AGBL3: variants seen among roughly 807,000 people sequenced by gnomAD.
AGBL3 encodes the protein cytosolic carboxypeptidase 3.
AGBL3 carries 68 observed loss-of-function variants against 94.5 expected under a neutral mutation model. The observed-to-expected ratio is 0.72, with a 90% CI of 0.59 to 0.88. The LOEUF is 0.88. AGBL3 is among the 40% of genes least tolerant of loss of function. The probability of loss-of-function intolerance (pLI) is 0.00; values close to 1 mark genes in which losing one functional copy is unlikely to be tolerated. For synonymous variants in AGBL3, 354 were observed against 370.7 expected (o/e 0.95, Z 0.52); for missense variants, 934 against 1,103.8 (o/e 0.85, Z 2.18).
At chr7:135,052,467 T>A (rs1817964720) in intron 11 of AGBL3, among the ~76,000 whole-genome samples, 1 of 152,174 alleles carries the variant, frequency 6.6e-6, no homozygotes, top group Non-Finnish European at 1.5e-5. Context: ...TGTGGGCTTG[T>A]TACACGTATT....
At chr7:135,134,341 CA>C (rs1317686627) in intron 16 of AGBL3, among the ~76,000 whole-genome samples, 4 of 151,896 alleles carry the variant, frequency 2.6e-5, no homozygotes, top group African/African-American at 9.7e-5. Flanking sequence ...GCTAAAAAAA[CA>C]GAGATTTTAA....
At chr7:135,003,791 A>T in intron 4 of AGBL3, among the ~76,000 whole-genome samples, 1 of 151,466 alleles carries the variant, frequency 6.6e-6, no homozygotes, top group East Asian at 1.9e-4. Context: ...ACTTGTTTAC[A>T]TACAGGAAAG....
At chr7:135,110,210 A>C (rs117064091) in intron 15 of AGBL3, among the ~76,000 whole-genome samples, 3,000 of 152,170 alleles carry the variant, frequency 0.02, 46 homozygotes, top group Middle Eastern at 0.051. Flanking sequence ...CACTGCTACC[A>C]CTGGCTGGCT....
chr7:135,027,773 T>C (rs939873400), intron 5 of AGBL3, among the ~76,000 whole-genome samples: 1 of 151,672 alleles, frequency 6.6e-6, no homozygotes, highest in African/African-American at 2.4e-5. Flanking sequence ...ACTCAGGAGA[T>C]GGACACCCTA....
chr7:135,097,681 C>T (rs1313782188), intron 15 of AGBL3, among the ~76,000 whole-genome samples: 10 of 152,004 alleles, frequency 6.6e-5, no homozygotes, highest in Admixed American at 6.6e-4. Flanking sequence ...TTTTTAATTT[C>T]CTGAAAACAT....
At chr7:135,068,833 G>T (rs1028349893) in intron 12 of AGBL3, among the ~76,000 whole-genome samples, 1 of 152,126 alleles carries the variant, frequency 6.6e-6, no homozygotes, top group African/African-American at 2.4e-5. Context: ...ATCAACTAAC[G>T]AGCAAAATAA....
At chr7:135,129,290 G>A in intron 16 of AGBL3, 1 of 1,502,116 alleles carries the variant, frequency 6.7e-7, no homozygotes. Flanking sequence ...CCTTGTGCAG[G>A]TTGACCTACC....
In AGBL3 at chr7:135,034,319, T is replaced by A; in HGVS notation, c.728T>A (p.Phe243Tyr). The A allele has an allele frequency of 6.4e-7, 1 of 1,551,716 alleles. No homozygotes were observed. Among genetic ancestry groups the A allele is most frequent in the Admixed American group, 2.0e-5 (1 of 51,012 alleles). The change falls in exon 7 of 17, where the codon TTC (phenylalanine) becomes TAC (tyrosine). Residue 243 changes from phenylalanine to tyrosine, a missense_variant. By Grantham distance (22) the Phe-to-Tyr change is conservative. Coordinates refer to ENST00000436302, the MANE Select transcript of AGBL3 (RefSeq NM_178563.4). The part of the protein sequence containing the change: ...SLYSRGMRPL[F>Y]YSEKEAKAHH... ...TACAGTCGGGGTATGCGCCCACTGTTCTATTCTGAAAAAGAGGCCAAGGCT... is the reference window on the plus strand; with the variant it reads ...TACAGTCGGGGTATGCGCCCACTGTACTATTCTGAAAAAGAGGCCAAGGCT...
intron 15 of AGBL3, among the ~76,000 whole-genome samples, chr7:135,114,600 A>T (rs1826064413): frequency 6.6e-6 from 1 of 151,958 alleles, no homozygotes; most frequent in African/African-American, 2.4e-5. Flanking sequence ...CTCATCTCAC[A>T]TCCAATTCTT....
At chr7:134,997,264 T>C (rs771634816) in intron 4 of AGBL3, among the ~76,000 whole-genome samples, 25 of 152,124 alleles carry the variant, frequency 1.6e-4, no homozygotes, top group Non-Finnish European at 3.4e-4. Context: ...GTAATGGTCG[T>C]TCGCCCACTG....
intron 2 of AGBL3, 107 bp downstream of exon 2, chr7:134,988,103 T>A: frequency 1.2e-6 from 1 of 852,812 alleles, no homozygotes; most frequent in Non-Finnish European, 1.8e-6. Context: ...ATTGGATGTT[T>A]AAATTATTGT....
rs189934910 is a variant in AGBL3, at chr7:134,999,841, A to T, written c.310+6163A>T. Among the ~76,000 whole-genome samples, 303 of 152,342 alleles carry T rather than the reference A, an allele frequency of 2.0e-3. 1 individual carries two copies. The highest frequency in any genetic ancestry group is 6.9e-3 in the African/African-American group (287 of 41,574). ...TGAGCAGATTGTTCTTACCTTCCTC[A>T]ATCAGAACTTTTCCATCATCTGATG... On this transcript the variant is annotated intron_variant, in intron 4 of 16. Transcript: ENST00000436302.
intron 3 of AGBL3, among the ~76,000 whole-genome samples, chr7:134,991,092 A>G (rs1284707294): frequency 2.0e-5 from 3 of 150,136 alleles, no homozygotes; most frequent in African/African-American, 7.4e-5. Flanking sequence ...TGAGACTTGT[A>G]TAGATGGTTC....
chr7:135,035,150 A>G (rs866911909), intron 7 of AGBL3, among the ~76,000 whole-genome samples: 170 of 150,106 alleles, frequency 1.1e-3, no homozygotes, highest in Middle Eastern at 3.4e-3. Flanking sequence ...CCCTTAAATA[A>G]TGAAACAGAT....
chr7:135,066,309 T>C (rs1307700351), intron 12 of AGBL3, among the ~76,000 whole-genome samples: 1 of 152,210 alleles, frequency 6.6e-6, no homozygotes, highest in Non-Finnish European at 1.5e-5. Context: ...GATTTTAAAA[T>C]GGGCTAAGTA....
chr7:135,052,959 A>C (rs1818013567), intron 11 of AGBL3, among the ~76,000 whole-genome samples: 1 of 152,168 alleles, frequency 6.6e-6, no homozygotes, highest in Non-Finnish European at 1.5e-5. Context: ...TTATTTCGGA[A>C]ACTTTGTAAC....
Position 135,134,836 on chromosome 7 carries a change from T to C in AGBL3, c.2343-5T>C. 2 of 1,548,252 alleles carry C rather than the reference T, an allele frequency of 1.3e-6. No individual in the cohort carries two copies. The highest frequency in any genetic ancestry group is 2.0e-5 in the Admixed American group (1 of 50,716). On this transcript the variant is annotated splice_polypyrimidine_tract_variant and splice_region_variant and intron_variant, in intron 16 of 16. Coordinates refer to ENST00000436302, the MANE Select transcript of AGBL3 (RefSeq NM_178563.4). ...AAAAATTCACGTATTTCATTTCTTT[T>C]CTAGACTAAATCCGGCTACTTGCAG... is the stretch of plus-strand genomic sequence containing the variant.
intron 4 of AGBL3, among the ~76,000 whole-genome samples, chr7:134,996,066 A>G (rs1810970905): frequency 6.6e-6 from 1 of 152,170 alleles, no homozygotes; most frequent in South Asian, 2.1e-4. Flanking sequence ...ACAAATTTGG[A>G]TATTTGAAAG....
chr7:135,103,669 T>C (rs1253833958), intron 15 of AGBL3, among the ~76,000 whole-genome samples: 1 of 152,230 alleles, frequency 6.6e-6, no homozygotes, highest in African/African-American at 2.4e-5. Context: ...AGGGGAATAA[T>C]AGATATCTGT....
Sources: allele counts gnomAD v4.1 joint callset (sites outside exome capture counted in the v4.1 genomes callset), GRCh38; gene constraint gnomAD v4.1.1; transcripts MANE v1.5; gene names NCBI Gene and HGNC (gene_info 2026-07-23, HGNC 2026-07-21).